The following KCNMA1 variants were observed in gnomAD, a reference collection of about 807,000 sequenced individuals.
KCNMA1 encodes Calcium-activated potassium channel subunit alpha-1.
Under a neutral mutation model 140.0 loss-of-function variants are expected in KCNMA1, and 29 were observed. That is an observed-to-expected ratio of 0.21 (90% CI 0.15 to 0.28). The LOEUF (loss-of-function observed/expected upper bound fraction) is 0.28, where lower values mean the gene tolerates loss of function less well. KCNMA1 is among the 10% of genes least tolerant of loss of function. KCNMA1 has a pLI of 1.00. For missense variants in KCNMA1, 880 were observed against 1,602.2 expected, an observed-to-expected ratio of 0.55 and a Z score of 7.70; for synonymous variants, 612 against 611.9, an observed-to-expected ratio of 1.00 and a Z score of 0.00.
In KCNMA1 at chr10:77,112,364, C is replaced by G; in HGVS notation, c.960+3G>C. 1 of 1,611,082 alleles carries G rather than the reference C, an allele frequency of 6.2e-7. No homozygotes were observed. The highest frequency in any genetic ancestry group is 8.5e-7 in the Non-Finnish European group (1 of 1,177,248). On this transcript the variant is annotated splice_donor_region_variant and intron_variant, in intron 7 of 27. Transcript: ENST00000286628. ...GAGCAGAAGGGTCTTCAAGGTTACT[C>G]ACCAAATGGATGAACCCGGCTGCAG... is the stretch of plus-strand genomic sequence containing the variant.
chr10:77,420,426 C>T (rs1226507083), intron 1 of KCNMA1, among the ~76,000 whole-genome samples: 1 of 152,224 alleles, frequency 6.6e-6, no homozygotes, highest in African/African-American at 2.4e-5. Context: ...TGCCATGAAG[C>T]CTCTCCAGAC....
intron 2 of KCNMA1, among the ~76,000 whole-genome samples, chr10:77,322,090 AT>A (rs2082505893): frequency 6.6e-6 from 1 of 152,210 alleles, no homozygotes; most frequent in Non-Finnish European, 1.5e-5. Flanking sequence ...ATTCAAGCTG[AT>A]TGTATCTTGT....
chr10:77,611,297 G>A (rs1399716321), intron 1 of KCNMA1, among the ~76,000 whole-genome samples: 3 of 152,212 alleles, frequency 2.0e-5, no homozygotes, highest in Admixed American at 1.3e-4. Flanking sequence ...TCCTGACAAG[G>A]TTGAGCAGAT....
intron 1 of KCNMA1, among the ~76,000 whole-genome samples, chr10:77,413,195 C>CTTT: frequency 6.6e-6 from 1 of 152,260 alleles, no homozygotes; most frequent in Middle Eastern, 3.4e-3. Flanking sequence ...TGTTTCATGA[C>CTTT]AATAACTATG....
At chr10:77,039,967 T>G (rs993837274) in intron 14 of KCNMA1, among the ~76,000 whole-genome samples, 1 of 135,462 alleles carries the variant, frequency 7.4e-6, no homozygotes, top group Non-Finnish European at 1.5e-5. Context: ...ACTGAAGCCT[T>G]GGACACCTGC....
chr10:77,147,747 A>G (rs1564820299), intron 5 of KCNMA1: 2 of 152,094 alleles, frequency 1.3e-5, no homozygotes, highest in South Asian at 2.1e-4. Flanking sequence ...CATGGCCCCA[A>G]CTTTTCCTCC....
chr10:77,480,383 C>G (rs924450890), intron 1 of KCNMA1, among the ~76,000 whole-genome samples: 1 of 152,204 alleles, frequency 6.6e-6, no homozygotes, highest in Non-Finnish European at 1.5e-5. Flanking sequence ...TCATAAAACC[C>G]TGGTCTGAAC....
At chr10:77,472,774 C>T (rs1408105933) in intron 1 of KCNMA1, among the ~76,000 whole-genome samples, 1 of 152,164 alleles carries the variant, frequency 6.6e-6, no homozygotes, top group African/African-American at 2.4e-5. Flanking sequence ...GTGGAGAGCG[C>T]TGGAGCTTGT....
chr10:77,591,177 G>A (rs952661969), intron 1 of KCNMA1, among the ~76,000 whole-genome samples: 1 of 152,120 alleles, frequency 6.6e-6, no homozygotes, highest in Admixed American at 6.5e-5. Context: ...CCTCCTCTGG[G>A]GGCTCAGACT....
chr10:77,612,403 A>G (rs2087281572), intron 1 of KCNMA1, among the ~76,000 whole-genome samples: 1 of 152,246 alleles, frequency 6.6e-6, no homozygotes, highest in Admixed American at 6.5e-5. Context: ...TGGAGAAAGC[A>G]AAATGTAAAT....
chr10:77,281,429 A>T (rs537298562), intron 2 of KCNMA1, among the ~76,000 whole-genome samples: 2 of 152,128 alleles, frequency 1.3e-5, no homozygotes, highest in Non-Finnish European at 2.9e-5. Context: ...AACCTATACA[A>T]CTGTACATGG....
At chr10:77,595,088 G>A (rs968809227) in intron 1 of KCNMA1, among the ~76,000 whole-genome samples, 40 of 152,290 alleles carry the variant, frequency 2.6e-4, no homozygotes, top group African/African-American at 9.4e-4. Context: ...GCTCACGCCC[G>A]TAATCCCAGC....
At chr10:77,579,488 A>G (rs979850320) in intron 1 of KCNMA1, among the ~76,000 whole-genome samples, 4 of 152,350 alleles carry the variant, frequency 2.6e-5, no homozygotes, top group South Asian at 4.1e-4. Flanking sequence ...ATTTATAGAT[A>G]TTTGAATCTG....
chr10:77,012,164 C>A, intron 17 of KCNMA1, 121 bp from the exon 18 acceptor site: 2 of 1,568,024 alleles, frequency 1.3e-6, no homozygotes, highest in Non-Finnish European at 1.7e-6. Context: ...TTCCTTTAAT[C>A]TTTTGAAAGG....
chr10:77,035,762 C>T (rs1208458384), intron 15 of KCNMA1, among the ~76,000 whole-genome samples: 3 of 151,960 alleles, frequency 2.0e-5, no homozygotes, highest in South Asian at 2.1e-4. Flanking sequence ...CTATTATATT[C>T]AATGAGAAAG....
intron 3 of KCNMA1, among the ~76,000 whole-genome samples, chr10:77,209,314 G>C (rs2045219200): frequency 6.6e-6 from 1 of 152,150 alleles, no homozygotes; most frequent in South Asian, 2.1e-4. Flanking sequence ...AATTCTTATA[G>C]GCACCTCAGA....
intron 25 of KCNMA1, among the ~76,000 whole-genome samples, chr10:76,895,148 T>A (rs1451201230): frequency 6.6e-6 from 1 of 152,176 alleles, no homozygotes; most frequent in Non-Finnish European, 1.5e-5. Context: ...CCGCCCCTAG[T>A]CACGTACCCC....
intron 19 of KCNMA1, chr10:76,995,728 C>G (rs1311448526): frequency 2.1e-5 from 10 of 468,748 alleles, no homozygotes; most frequent in Non-Finnish European, 4.0e-5. Flanking sequence ...AATAAAAAAG[C>G]AAACATAATT....
intron 19 of KCNMA1, among the ~76,000 whole-genome samples, chr10:76,986,758 G>A (rs2081369313): frequency 6.6e-6 from 1 of 152,178 alleles, no homozygotes; most frequent in Admixed American, 6.5e-5. Context: ...GGAAACATAG[G>A]TGGATGAACA....
Sources: allele counts gnomAD v4.1 joint callset (sites outside exome capture counted in the v4.1 genomes callset), GRCh38; gene constraint gnomAD v4.1.1; transcripts MANE v1.5; gene names NCBI Gene and HGNC (gene_info 2026-07-23, HGNC 2026-07-21).